The following GRID2 variants were observed in gnomAD, a reference collection of about 807,000 sequenced individuals.
GRID2 encodes glutamate receptor ionotropic, delta-2.
In GRID2, 33 loss-of-function variants were observed where a neutral mutation model predicts 114.8. The ratio of observed to expected loss-of-function variants is 0.29; its 90% CI spans 0.22 to 0.38. The LOEUF is 0.38. Ranked by LOEUF, GRID2 falls within the 10% of genes least tolerant of loss-of-function variation. The pLI is 1.00. For missense variants in GRID2, 1,184 were observed against 1,257.7 expected (o/e 0.94, Z 0.89); for synonymous variants, 505 against 449.9 (o/e 1.12, Z -1.55).
At chr4:93,397,991 T>A (rs931072169) in intron 9 of GRID2, among the ~76,000 whole-genome samples, 2 of 151,540 alleles carry the variant, frequency 1.3e-5, no homozygotes, top group African/African-American at 4.9e-5. Context: ...CTGTACTTAC[T>A]ATGTGCAAGC....
At chr4:93,136,776 A>T in intron 4 of GRID2, among the ~76,000 whole-genome samples, 1 of 152,152 alleles carries the variant, frequency 6.6e-6, no homozygotes, top group East Asian at 1.9e-4. Context: ...TACGACTTAA[A>T]TTTGTGATTT....
At position 93,197,917 on chromosome 4, in the gene GRID2, A is replaced by G. The variant is rs368081455; in HGVS notation, c.736-9487A>G. Among the ~76,000 whole-genome samples, 71 of 152,310 alleles carry G rather than the reference A, an allele frequency of 4.7e-4. 1 individual carries two copies. Among genetic ancestry groups the G allele is most frequent in the African/African-American group, 1.7e-3 (69 of 41,582 alleles). ...CTTAATTACTATATAAATAGTTAAG[A>G]TCTTCTCACTTGAGAAAATGTAAAT... On this transcript the variant is annotated intron_variant, in intron 4 of 15. Coordinates refer to ENST00000282020, the MANE Select transcript of GRID2 (RefSeq NM_001510.4).
chr4:93,123,203 CTATT>C (rs1488009389), intron 4 of GRID2, among the ~76,000 whole-genome samples: 1 of 152,074 alleles, frequency 6.6e-6, no homozygotes, highest in Admixed American at 6.6e-5. Flanking sequence ...AGCCTATAGT[CTATT>C]TAATAATTTT....
At chr4:92,388,748 T>A (rs1007326559) in intron 1 of GRID2, among the ~76,000 whole-genome samples, 1 of 152,036 alleles carries the variant, frequency 6.6e-6, no homozygotes, top group Non-Finnish European at 1.5e-5. Flanking sequence ...TGATTGTGTT[T>A]GTGTATATAT....
chr4:92,323,307 T>C (rs992844656), intron 1 of GRID2, among the ~76,000 whole-genome samples: 3 of 152,148 alleles, frequency 2.0e-5, no homozygotes, highest in African/African-American at 7.2e-5. Flanking sequence ...AAAGGCTATT[T>C]GTTATAGATA....
chr4:92,371,045 T>C (rs917409254), intron 1 of GRID2, among the ~76,000 whole-genome samples: 13 of 152,088 alleles, frequency 8.5e-5, no homozygotes, highest in Non-Finnish European at 1.8e-4. Context: ...ACACCACAAT[T>C]TAATCCAAAT....
intron 2 of GRID2, among the ~76,000 whole-genome samples, chr4:92,906,207 A>G (rs1355943781): frequency 6.6e-5 from 10 of 150,834 alleles, no homozygotes; most frequent in Non-Finnish European, 1.0e-4. Context: ...AAATTTGATT[A>G]TTTGACAATT....
At chr4:93,253,381 T>G (rs1371567342) in intron 8 of GRID2, among the ~76,000 whole-genome samples, 1 of 152,162 alleles carries the variant, frequency 6.6e-6, no homozygotes, top group Non-Finnish European at 1.5e-5. Context: ...AAAAAGAACA[T>G]TTAAAAATTA....
intron 2 of GRID2, among the ~76,000 whole-genome samples, chr4:92,651,594 G>A (rs934631110): frequency 6.6e-6 from 1 of 152,120 alleles, no homozygotes. Flanking sequence ...ATTCTGAGAG[G>A]TCAGTCCACA....
Position 92,749,917 on chromosome 4 carries a change from A to C in GRID2, c.244+159631A>C, listed in dbSNP as rs1452297606. On this transcript the variant is annotated intron_variant, in intron 2 of 15. Coordinates refer to ENST00000282020, the MANE Select transcript of GRID2 (RefSeq NM_001510.4). Reference sequence around the variant, plus strand: ...GCTCTTGTTGCCCAGGCTGGAGTGCAATGGTGAGATCTCGGCTGACTGCAA... The same window carrying C: ...GCTCTTGTTGCCCAGGCTGGAGTGCCATGGTGAGATCTCGGCTGACTGCAA... 2.0e-5 allele frequency among the ~76,000 whole-genome samples: 3 copies of C among 152,082 alleles called. 1 individual carries two copies. The highest frequency in any genetic ancestry group is 7.2e-5 in the African/African-American group (3 of 41,398).
At chr4:92,927,370 C>A (rs561739510) in intron 2 of GRID2, among the ~76,000 whole-genome samples, 2 of 151,802 alleles carry the variant, frequency 1.3e-5, no homozygotes, top group East Asian at 3.9e-4. Flanking sequence ...CTTCTTGGGA[C>A]AAAGAGAAAA....
chr4:92,828,965 G>A (rs995834115), intron 2 of GRID2, among the ~76,000 whole-genome samples: 2 of 151,636 alleles, frequency 1.3e-5, no homozygotes, highest in African/African-American at 2.4e-5. Flanking sequence ...CCTGTAGGTT[G>A]CCTGTTCACT....
intron 2 of GRID2, among the ~76,000 whole-genome samples, chr4:92,940,067 A>T (rs1431339507): frequency 8.8e-5 from 13 of 146,926 alleles, no homozygotes; most frequent in Admixed American, 7.3e-4. Flanking sequence ...TTGGTTCCAT[A>T]TGAAATTTAA....
chr4:93,592,613 G>C (rs564217292), intron 13 of GRID2, among the ~76,000 whole-genome samples: 1 of 152,222 alleles, frequency 6.6e-6, no homozygotes, highest in Admixed American at 6.5e-5. Flanking sequence ...CGGTATCCTT[G>C]TTGACTTTCT....
intron 2 of GRID2, among the ~76,000 whole-genome samples, chr4:92,972,307 C>A (rs1375713893): frequency 6.6e-6 from 1 of 151,614 alleles, no homozygotes; most frequent in Non-Finnish European, 1.5e-5. Context: ...TGATGAACAG[C>A]ATTTTTCCCT....
At chr4:93,806,999 A>C (rs1272497174) in exon 2 of GRID2, 2 of 152,268 alleles carry the variant, frequency 1.3e-5, no homozygotes, top group Non-Finnish European at 2.9e-5. Flanking sequence ...TATCCAGTTC[A>C]AGGAAGCTGA....
intron 2 of GRID2, among the ~76,000 whole-genome samples, chr4:92,880,220 G>C (rs976859160): frequency 6.6e-6 from 1 of 152,170 alleles, no homozygotes; most frequent in Non-Finnish European, 1.5e-5. Flanking sequence ...AATATTTTTG[G>C]TGGAGCATTT....
chr4:92,717,163 C>A (rs904667158), intron 2 of GRID2, among the ~76,000 whole-genome samples: 10 of 152,182 alleles, frequency 6.6e-5, no homozygotes, highest in African/African-American at 9.6e-5. Context: ...AACAACCTAT[C>A]TCCATTCTTC....
chr4:92,704,269 C>G (rs952330307), intron 2 of GRID2, among the ~76,000 whole-genome samples: 11 of 152,124 alleles, frequency 7.2e-5, no homozygotes, highest in African/African-American at 2.7e-4. Flanking sequence ...CAGAGCAAGA[C>G]TCCATCTCAA....
Sources: gnomAD v4.1 joint callset for allele counts (sites outside exome capture counted in the v4.1 genomes callset) on GRCh38, gnomAD v4.1.1 for gene constraint, MANE v1.5 for transcripts, NCBI Gene and HGNC (gene_info 2026-07-23, HGNC 2026-07-21) for gene names.